The following EPHA6 variants were observed in gnomAD, a reference collection of about 807,000 sequenced individuals.
EPHA6 encodes the protein ephrin type-A receptor 6.
In EPHA6, 50 loss-of-function variants were observed where a neutral mutation model predicts 112.0. The observed-to-expected ratio is 0.45, with a 90% CI of 0.36 to 0.56. The LOEUF (loss-of-function observed/expected upper bound fraction) is 0.56, where lower values mean the gene tolerates loss of function less well. Among genes scored for constraint, EPHA6 ranks in the 20% least tolerant of loss-of-function variants. The probability of loss-of-function intolerance (pLI) is 0.00; values close to 1 mark genes in which losing one functional copy is unlikely to be tolerated. For missense variants in EPHA6, 1,280 were observed against 1,417.4 expected, an observed-to-expected ratio of 0.90 and a Z score of 1.56; for synonymous variants, 529 against 490.7, an observed-to-expected ratio of 1.08 and a Z score of -1.03.
rs1239761163 is a variant in EPHA6 at position 97,561,979 on chromosome 3, TG to T, written c.2386+29438del. Among the ~76,000 whole-genome samples, 9 of 152,272 alleles carry T rather than the reference TG, an allele frequency of 5.9e-5. No individual in the cohort carries two copies. In the East Asian group the frequency reaches 1.7e-3, roughly 29 times the overall value. ...CATGACAGCACATCTGTTTATAGCC[TG>T]GTTTACTAAATATTTTGAGGCTACT... On this transcript the variant is annotated intron_variant, in intron 11 of 17. Transcript: ENST00000389672.
At chr3:97,204,959 A>T (rs1211026223) in intron 3 of EPHA6, among the ~76,000 whole-genome samples, 3 of 152,064 alleles carry the variant, frequency 2.0e-5, no homozygotes, top group African/African-American at 4.8e-5. Flanking sequence ...ATATTTTAGA[A>T]CTTATATTTT....
intron 3 of EPHA6, among the ~76,000 whole-genome samples, chr3:97,129,496 AAAAAAC>A (rs1246439414): frequency 2.0e-5 from 3 of 151,488 alleles, no homozygotes; most frequent in African/African-American, 7.3e-5. Flanking sequence ...ACTTCGTCTC[AAAAAAC>A]AAAAACAAAA....
At chr3:97,277,806 C>G (rs1411917822) in intron 5 of EPHA6, among the ~76,000 whole-genome samples, 4 of 152,080 alleles carry the variant, frequency 2.6e-5, no homozygotes, top group East Asian at 3.9e-4. Flanking sequence ...GGAAGTTGCT[C>G]CAAGTCAGTG....
intron 14 of EPHA6, among the ~76,000 whole-genome samples, chr3:97,692,942 A>AT (rs1174778427): frequency 6.6e-6 from 1 of 152,120 alleles, no homozygotes; most frequent in Non-Finnish European, 1.5e-5. Context: ...ATCTATTGAG[A>AT]TATTATAAGC....
intron 1 of EPHA6, among the ~76,000 whole-genome samples, chr3:96,853,157 A>G (rs1017094771): frequency 1.3e-5 from 2 of 152,168 alleles, no homozygotes; most frequent in Non-Finnish European, 2.9e-5. Flanking sequence ...ATCAAAATGT[A>G]TAATTACAGC....
chr3:97,057,601 A>G (rs562506569), intron 3 of EPHA6, among the ~76,000 whole-genome samples: 2 of 152,362 alleles, frequency 1.3e-5, no homozygotes, highest in East Asian at 1.9e-4. Flanking sequence ...TACACAGAGT[A>G]AAAGTATCAG....
At chr3:97,378,222 C>T (rs2085489340) in intron 5 of EPHA6, among the ~76,000 whole-genome samples, 1 of 152,212 alleles carries the variant, frequency 6.6e-6, no homozygotes, top group Non-Finnish European at 1.5e-5. Context: ...TCTGTGGCTT[C>T]AGAGGATGCA....
At chr3:97,559,078 T>C (rs2093153370) in intron 11 of EPHA6, among the ~76,000 whole-genome samples, 1 of 151,934 alleles carries the variant, frequency 6.6e-6, no homozygotes, top group South Asian at 2.1e-4. Flanking sequence ...TGCATAAAGA[T>C]GAATAAGAAA....
chr3:97,478,200 A>C (rs1049111915), intron 8 of EPHA6, among the ~76,000 whole-genome samples: 1 of 152,290 alleles, frequency 6.6e-6, no homozygotes, highest in East Asian at 1.9e-4. Flanking sequence ...ATCTTGTAGA[A>C]CATAAGTTAA....
At chr3:97,069,269 A>C (rs988603528) in intron 3 of EPHA6, among the ~76,000 whole-genome samples, 1 of 152,128 alleles carries the variant, frequency 6.6e-6, no homozygotes, top group African/African-American at 2.4e-5. Context: ...ATCATAAGCA[A>C]ACTAAATTTA....
intron 11 of EPHA6, among the ~76,000 whole-genome samples, chr3:97,551,559 A>T (rs1560128654): frequency 6.6e-6 from 1 of 152,112 alleles, no homozygotes; most frequent in Non-Finnish European, 1.5e-5. Flanking sequence ...AACAAGCATG[A>T]TTCTTTTGAA....
chr3:96,903,182 G>C (rs966544804), intron 2 of EPHA6, among the ~76,000 whole-genome samples: 1 of 152,084 alleles, frequency 6.6e-6, no homozygotes, highest in African/African-American at 2.4e-5. Context: ...GAGTGTTCTT[G>C]GGAGAGGTGT....
At chr3:96,857,313 AT>A (rs1233082006) in intron 1 of EPHA6, among the ~76,000 whole-genome samples, 5 of 152,072 alleles carry the variant, frequency 3.3e-5, no homozygotes, top group African/African-American at 1.2e-4. Flanking sequence ...ATAATAATGC[AT>A]TTATTGTATT....
chr3:97,682,028 A>C (rs975021618), intron 14 of EPHA6, among the ~76,000 whole-genome samples: 1 of 152,138 alleles, frequency 6.6e-6, no homozygotes, highest in Non-Finnish European at 1.5e-5. Flanking sequence ...TGCCAAGCTG[A>C]AAGTTTATAA....
chr3:97,437,908 G>T (rs2089935502), intron 6 of EPHA6, among the ~76,000 whole-genome samples: 3 of 151,570 alleles, frequency 2.0e-5, no homozygotes, highest in Non-Finnish European at 4.4e-5. Flanking sequence ...TAAATGTTTT[G>T]CTCTCTGCTA....
At chr3:96,934,441 A>T (rs2040482113) in intron 2 of EPHA6, among the ~76,000 whole-genome samples, 1 of 151,632 alleles carries the variant, frequency 6.6e-6, no homozygotes, top group African/African-American at 2.4e-5. Flanking sequence ...TTCCAGAACT[A>T]TTTTTTCTGC....
chr3:97,166,480 T>A (rs540344605), intron 3 of EPHA6, among the ~76,000 whole-genome samples: 14 of 152,072 alleles, frequency 9.2e-5, no homozygotes, highest in Non-Finnish European at 1.8e-4. Flanking sequence ...TTAAGTTAGG[T>A]TGGAAAGTCA....
At chr3:97,048,263 ATAG>A (rs1483480703) in intron 3 of EPHA6, among the ~76,000 whole-genome samples, 5 of 152,320 alleles carry the variant, frequency 3.3e-5, no homozygotes, top group African/African-American at 9.6e-5. Flanking sequence ...CACTAAGAAT[ATAG>A]TAGTTGGGCA....
intron 14 of EPHA6, among the ~76,000 whole-genome samples, chr3:97,667,538 T>C (rs1036626932): frequency 6.6e-6 from 1 of 152,218 alleles, no homozygotes; most frequent in African/African-American, 2.4e-5. Context: ...TCAGGAAAGA[T>C]GTTGCTAAAA....
Sources: gnomAD v4.1 joint callset for allele counts (sites outside exome capture counted in the v4.1 genomes callset) on GRCh38, gnomAD v4.1.1 for gene constraint, MANE v1.5 for transcripts, NCBI Gene and HGNC (gene_info 2026-07-23, HGNC 2026-07-21) for gene names.